The following ALDH1A1 variants were observed in gnomAD, a reference collection of about 807,000 sequenced individuals.
ALDH1A1 encodes aldehyde dehydrogenase 1A1.
Under a neutral mutation model 62.1 loss-of-function variants are expected in ALDH1A1, and 19 were observed. That is an observed-to-expected ratio of 0.31 (90% CI 0.21 to 0.45). ALDH1A1 has a LOEUF of 0.45. ALDH1A1 is among the 20% of genes least tolerant of loss of function. The probability of loss-of-function intolerance (pLI) is 1.00; values close to 1 mark genes in which losing one functional copy is unlikely to be tolerated. For missense variants in ALDH1A1, 521 were observed against 607.1 expected (o/e 0.86, Z 1.49); for synonymous variants, 231 against 215.9 (o/e 1.07, Z -0.61).
chr9:72,911,328 C>G (rs577773353), intron 10 of ALDH1A1, among the ~76,000 whole-genome samples: 1 of 152,168 alleles, frequency 6.6e-6, no homozygotes, highest in Non-Finnish European at 1.5e-5. Context: ...AAGGTGGAAC[C>G]AGAAAGTAGA....
chr9:72,949,743 G>C (rs768539980), intron 1 of ALDH1A1, among the ~76,000 whole-genome samples: 28 of 150,484 alleles, frequency 1.9e-4, no homozygotes, highest in Non-Finnish European at 4.0e-4. Flanking sequence ...ACAAACCATG[G>C]TTTAATAAGT....
intron 2 of ALDH1A1, among the ~76,000 whole-genome samples, chr9:72,934,110 T>C (rs1378900888): frequency 6.6e-6 from 1 of 152,154 alleles, no homozygotes; most frequent in African/African-American, 2.4e-5. Flanking sequence ...TTTGTAGAGA[T>C]GGGGTTTTGC....
rs761358489 is a variant in ALDH1A1, at chr9:72,953,051, G to T, written c.-51C>A. ...GTGACTGGCTCAGCAATTTGGTTCT[G>T]ATAGAGCACTTGGCTTTATTTGTTC... On this transcript the variant is annotated 5_prime_UTR_variant, in exon 1 of 13. Transcript: ENST00000297785. The T allele has an allele frequency of 5.0e-5, 79 of 1,590,276 alleles. No individual in the cohort carries two copies. Among genetic ancestry groups the T allele is most frequent in the Middle Eastern group, 1.7e-4 (1 of 5,948 alleles).
chr9:72,938,213 T>C (rs1830368857), intron 2 of ALDH1A1, among the ~76,000 whole-genome samples: 1 of 152,134 alleles, frequency 6.6e-6, no homozygotes, highest in Non-Finnish European at 1.5e-5. Flanking sequence ...GTTGCTGACT[T>C]TAATTTCCCA....
At chr9:72,943,044 A>G (rs1830434653) in intron 1 of ALDH1A1, among the ~76,000 whole-genome samples, 1 of 152,146 alleles carries the variant, frequency 6.6e-6, no homozygotes, top group Non-Finnish European at 1.5e-5. Flanking sequence ...AACCTGCATC[A>G]GATTTATTCA....
intron 2 of ALDH1A1, 24 bp from the exon 3 acceptor site, chr9:72,931,043 T>C: frequency 3.7e-6 from 6 of 1,613,700 alleles, no homozygotes; most frequent in Non-Finnish European, 5.1e-6. Flanking sequence ...GGAATTCAAT[T>C]CAGTAAGCTA....
chr9:72,942,989 A>G (rs1276087940), intron 1 of ALDH1A1, among the ~76,000 whole-genome samples: 1 of 152,134 alleles, frequency 6.6e-6, no homozygotes, highest in Admixed American at 6.6e-5. Flanking sequence ...CAAAAAACTA[A>G]AGATATTGCG....
chr9:72,910,177 G>A (rs1829964879), intron 10 of ALDH1A1, among the ~76,000 whole-genome samples: 1 of 151,994 alleles, frequency 6.6e-6, no homozygotes, highest in African/African-American at 2.4e-5. Flanking sequence ...AAATGAATAG[G>A]CAATGATAAT....
At chr9:72,930,356 T>C (rs1188395151) in intron 3 of ALDH1A1, among the ~76,000 whole-genome samples, 1 of 152,178 alleles carries the variant, frequency 6.6e-6, no homozygotes, top group Non-Finnish European at 1.5e-5. Flanking sequence ...AGAACATCAT[T>C]TAATTATGAC....
chr9:72,924,395 T>C (rs1026606482), intron 6 of ALDH1A1, among the ~76,000 whole-genome samples: 2 of 152,214 alleles, frequency 1.3e-5, no homozygotes, highest in Admixed American at 6.5e-5. Flanking sequence ...GTGATGGCTC[T>C]TTCAAATTTC....
chr9:72,916,857 G>A (rs751153062), intron 9 of ALDH1A1, 63 bp downstream of exon 9: 3 of 1,352,128 alleles, frequency 2.2e-6, no homozygotes, highest in African/African-American at 3.0e-5. Context: ...ATAAAATCTA[G>A]GTCTAAAGAG....
chr9:72,923,251 A>G (rs1830164458), intron 7 of ALDH1A1, among the ~76,000 whole-genome samples: 1 of 152,162 alleles, frequency 6.6e-6, no homozygotes, highest in Admixed American at 6.5e-5. Flanking sequence ...GCAGCTTTCT[A>G]AGATGGAGTG....
chr9:72,901,253 T>C lies in ALDH1A1; in HGVS notation c.1461A>G (p.Thr487=). The C allele has an allele frequency of 6.2e-7, 1 of 1,610,150 alleles. No individual in the cohort carries two copies. Among genetic ancestry groups the C allele is most frequent in the Non-Finnish European group, 8.5e-7 (1 of 1,178,070 alleles). Residue 487 remains threonine, a synonymous_variant, in exon 13 of 13, where the codon ACA becomes ACG. Coordinates refer to ENST00000297785, the MANE Select transcript of ALDH1A1 (RefSeq NM_000689.5). The stretch of plus-strand genomic sequence containing the variant: ...TTTTCACTGTGACTGTTTTGACCTC[T>C]GTATATTCATGGAAACCGTACTCTC... ...ELGEYGFHEY[T]EVKTVTVKIS...
intron 1 of ALDH1A1, among the ~76,000 whole-genome samples, chr9:72,950,802 T>C (rs17648566): frequency 0.017 from 2,600 of 151,930 alleles, 34 homozygotes; most frequent in Middle Eastern, 0.1. Flanking sequence ...CCTCAGACAC[T>C]ATAAACTCCT....
At chr9:72,923,582 G>C (rs1280441307) in intron 7 of ALDH1A1, among the ~76,000 whole-genome samples, 2 of 152,144 alleles carry the variant, frequency 1.3e-5, no homozygotes, top group Non-Finnish European at 2.9e-5. Context: ...GAGGGAAGCT[G>C]AGTTTCTGGC....
chr9:72,929,010 T>C lies in ALDH1A1; in HGVS notation c.324A>G (p.Ser108=). The C allele has an allele frequency of 6.2e-7, 1 of 1,613,048 alleles. No homozygotes were observed. The highest frequency in any genetic ancestry group is 1.1e-5 in the South Asian group (1 of 90,794). Reference sequence around the variant, plus strand: ...TGGAATAGAGTTTTCCACCATTCATTGACTCCATTGTCTGAAAAACATGTC... The same window carrying C: ...TGGAATAGAGTTTTCCACCATTCATCGACTCCATTGTCTGAAAAACATGTC... ...RDRLLLATME[S]MNGGKLYSNA... The change falls in exon 4 of 13, where the codon TCA becomes TCG. Residue 108 remains serine (S), a synonymous_variant. Transcript: ENST00000297785.
At position 72,910,129 on chromosome 9, in the gene ALDH1A1, A is replaced by G. The variant is rs529232456; in HGVS notation, c.1201-370T>C. ...AGTTTTTCTTATCTTCCAAGTCACT[A>G]CACATAGTAACAAGTCCCAGAAAGC... On this transcript the variant is annotated intron_variant, in intron 10 of 12. Coordinates refer to ENST00000297785, the MANE Select transcript of ALDH1A1 (RefSeq NM_000689.5). Among the ~76,000 whole-genome samples, 38 of 152,334 alleles carry G rather than the reference A, an allele frequency of 2.5e-4. 2 individuals carry two copies. In the South Asian group the frequency reaches 7.9e-3, roughly 32 times the overall value.
Position 72,924,080 on chromosome 9 carries a change from G to C in ALDH1A1, c.686C>G (p.Ala229Gly), listed in dbSNP as rs530782383. Residue 229 changes from alanine (A) to glycine (G), a missense_variant, in exon 7 of 13, where the codon GCA (alanine) becomes GGA (glycine). Coordinates refer to ENST00000297785, the MANE Select transcript of ALDH1A1 (RefSeq NM_000689.5). ...VNIVPGYGPTAGAAISSHMDI... is the reference protein window; with the variant it reads ...VNIVPGYGPTGGAAISSHMDI... The stretch of plus-strand genomic sequence containing the variant: ...CATGTGAGAAGAAATGGCTGCCCCT[G>C]CTGTAGGCCCATAACCAGGAACAAT... The C allele has an allele frequency of 6.2e-6, 10 of 1,613,264 alleles. No homozygotes were observed. The South Asian group carries it at 1.1e-4, about 18-fold the overall frequency.
chr9:72,939,979 AT>A (rs33988381), intron 2 of ALDH1A1, among the ~76,000 whole-genome samples, 168 bp downstream of exon 2: 21 of 143,676 alleles, frequency 1.5e-4, no homozygotes, highest in South Asian at 2.2e-4. Flanking sequence ...ACTACAGAGC[AT>A]TTTTTTTTTT....
Sources: allele counts gnomAD v4.1 joint callset (sites outside exome capture counted in the v4.1 genomes callset), GRCh38; gene constraint gnomAD v4.1.1; transcripts MANE v1.5; gene names NCBI Gene and HGNC (gene_info 2026-07-23, HGNC 2026-07-21).